EBF2: variants seen among roughly 807,000 people sequenced by gnomAD.
The protein encoded by EBF2 is EBF transcription factor 2.
A neutral mutation model predicts 72.8 loss-of-function variants in EBF2; 21 were observed. The ratio of observed to expected loss-of-function variants is 0.29; its 90% CI spans 0.20 to 0.42. The LOEUF (loss-of-function observed/expected upper bound fraction) is 0.42, where lower values mean the gene tolerates loss of function less well. Ranked by LOEUF, EBF2 falls within the 10% of genes least tolerant of loss-of-function variation. The probability of loss-of-function intolerance (pLI) is 1.00; values close to 1 mark genes in which losing one functional copy is unlikely to be tolerated. For missense variants in EBF2, 637 were observed against 731.2 expected (o/e 0.87, Z 1.49); for synonymous variants, 299 against 274.2 (o/e 1.09, Z -0.89).
intron 10 of EBF2, among the ~76,000 whole-genome samples, chr8:25,863,632 T>TC (rs1802250288): frequency 6.6e-6 from 1 of 152,194 alleles, no homozygotes; most frequent in Non-Finnish European, 1.5e-5. Flanking sequence ...AATGAAATAA[T>TC]CACCTGCACT....
In EBF2 at chr8:25,887,850, A is replaced by G. The variant is rs755063530; in HGVS notation, c.874T>C (p.Trp292Arg). The G allele has an allele frequency of 6.8e-6, 11 of 1,608,240 alleles. No homozygotes were observed. The highest frequency in any genetic ancestry group is 1.7e-4 in the Middle Eastern group (1 of 6,024). Reference protein sequence around the residue: ...LQVVFGTMLVWSELITPHAIR... With the variant: ...LQVVFGTMLVRSELITPHAIR... ...CTGTTGCCTCTGCTTACCTCGCTCC[A>G]TACAAGCATAGTCCCAAACACCACT... The change falls in exon 9 of 16, where the codon TGG (tryptophan) becomes CGG (arginine). Residue 292 changes from tryptophan to arginine, a missense_variant. Trp to Arg is a moderately radical substitution (Grantham distance 101). Around this residue, in one of 3 missense-constraint regions of EBF2, gnomAD observed 204 missense variants for 301.2 expected, o/e 0.68. Coordinates refer to ENST00000520164, the MANE Select transcript of EBF2 (RefSeq NM_022659.4).
chr8:25,902,022 G>C (rs561024611), intron 7 of EBF2, among the ~76,000 whole-genome samples: 1 of 152,230 alleles, frequency 6.6e-6, no homozygotes, highest in Admixed American at 6.5e-5. Context: ...ATATTGGCTG[G>C]GTGCATGAAT....
chr8:25,929,378 T>C (rs1161213891), intron 6 of EBF2, among the ~76,000 whole-genome samples: 1 of 152,200 alleles, frequency 6.6e-6, no homozygotes, highest in East Asian at 1.9e-4. Context: ...GCAAATTTTT[T>C]CCTTCTGAAA....
chr8:25,980,049 C>A (rs2117198100), intron 6 of EBF2, among the ~76,000 whole-genome samples: 1 of 152,260 alleles, frequency 6.6e-6, no homozygotes, highest in East Asian at 1.9e-4. Context: ...AAAAGCAGGA[C>A]TGTATTGCTT....
At chr8:25,865,999 T>G (rs1035626382) in intron 10 of EBF2, among the ~76,000 whole-genome samples, 3 of 151,224 alleles carry the variant, frequency 2.0e-5, no homozygotes, top group African/African-American at 7.3e-5. Context: ...CACCCCAGCC[T>G]GGGTGACAGA....
At chr8:25,916,478 T>TC (rs1563399529) in intron 6 of EBF2, among the ~76,000 whole-genome samples, 3 of 151,926 alleles carry the variant, frequency 2.0e-5, no homozygotes. Flanking sequence ...TGCCCCTTTC[T>TC]CCCCCACCAC....
intron 6 of EBF2, among the ~76,000 whole-genome samples, chr8:25,938,412 T>G (rs1209177935): frequency 6.6e-6 from 1 of 151,742 alleles, no homozygotes; most frequent in East Asian, 1.9e-4. Context: ...TGTCTTTCAG[T>G]TTTTTTCTTG....
chr8:25,880,979 C>A (rs1184689848), intron 10 of EBF2, among the ~76,000 whole-genome samples: 7 of 152,030 alleles, frequency 4.6e-5, no homozygotes, highest in African/African-American at 2.4e-5. Context: ...CCAACCTTCA[C>A]CCCATCCAAT....
At chr8:25,989,755 C>A (rs4276697) in intron 6 of EBF2, among the ~76,000 whole-genome samples, 4 of 151,978 alleles carry the variant, frequency 2.6e-5, no homozygotes, top group Non-Finnish European at 5.9e-5. Context: ...TCTCCCGTTC[C>A]GTAAGCTAAG....
At chr8:25,980,613 C>T (rs946043340) in intron 6 of EBF2, among the ~76,000 whole-genome samples, 2 of 151,830 alleles carry the variant, frequency 1.3e-5, no homozygotes, top group Admixed American at 6.6e-5. Flanking sequence ...CAATAAATAT[C>T]GAATTATACA....
chr8:25,943,273 C>G (rs2117159564), intron 6 of EBF2, among the ~76,000 whole-genome samples: 1 of 144,240 alleles, frequency 6.9e-6, no homozygotes, highest in East Asian at 2.0e-4. Context: ...TGGAGACCAG[C>G]CTGGGCAACA....
In EBF2 at chr8:26,040,060, G is replaced by C; in HGVS notation, c.450C>G (p.Cys150Trp). The change falls in exon 5 of 16, where the codon TGC (cysteine) becomes TGG (tryptophan). Residue 150 changes from cysteine to tryptophan, a missense_variant. Around this residue, in one of 3 missense-constraint regions of EBF2, gnomAD observed 204 missense variants for 301.2 expected, o/e 0.68. Coordinates refer to ENST00000520164, the MANE Select transcript of EBF2 (RefSeq NM_022659.4). ...YEGQNKNPEMCRVLLTHEVMC... is the reference protein window; with the variant it reads ...YEGQNKNPEMWRVLLTHEVMC... The stretch of plus-strand genomic sequence containing the variant: ...TCACTTCGTGCGTCAGGAGAACTCG[G>C]CACATTTCCGGATTCTTATTCTGTC... 6.2e-7 allele frequency: 1 copy of C among 1,614,064 alleles called. No individual in the cohort carries two copies.
chr8:25,988,968 C>A (rs1389540846), intron 6 of EBF2, among the ~76,000 whole-genome samples: 1 of 152,182 alleles, frequency 6.6e-6, no homozygotes, highest in African/African-American at 2.4e-5. Flanking sequence ...ATCATCCTAT[C>A]ATATTTAATT....
chr8:25,885,342 A>T (rs1802672139), intron 10 of EBF2, among the ~76,000 whole-genome samples: 1 of 152,086 alleles, frequency 6.6e-6, no homozygotes, highest in Non-Finnish European at 1.5e-5. Context: ...CACCATCCAT[A>T]TCCAGAACTC....
intron 6 of EBF2, among the ~76,000 whole-genome samples, chr8:25,987,937 C>T (rs1032926130): frequency 3.9e-5 from 6 of 152,096 alleles, no homozygotes; most frequent in African/African-American, 1.4e-4. Flanking sequence ...AGGAGATCTA[C>T]CAATTTGCTA....
chr8:25,847,716 G>A (rs1409975651), intron 15 of EBF2, among the ~76,000 whole-genome samples: 1 of 152,148 alleles, frequency 6.6e-6, no homozygotes, highest in Non-Finnish European at 1.5e-5. Context: ...CTAGAACTCA[G>A]CACAGGACTG....
intron 4 of EBF2, 44 bp from the exon 5 acceptor site, chr8:26,040,145 T>TG (rs779166537): frequency 4.4e-6 from 7 of 1,579,110 alleles, no homozygotes; most frequent in Middle Eastern, 1.7e-4. Flanking sequence ...TGGAGAGGGG[T>TG]GGGGGGCAAG....
Position 25,964,106 on chromosome 8 carries a change from G to A in EBF2, c.552-55551C>T, listed in dbSNP as rs141888234. ...CTTAAAACACACACAGGCATACCCC[G>A]CACCTAAAGGTTCTCTTGCACACCC... On this transcript the variant is annotated intron_variant, in intron 6 of 15. Transcript: ENST00000520164. Among the ~76,000 whole-genome samples, 495 of 152,204 alleles carry A rather than the reference G, an allele frequency of 3.3e-3. 1 individual carries two copies. The highest frequency in any genetic ancestry group is 4.6e-3 in the Non-Finnish European group (312 of 68,010).
At chr8:25,906,476 A>C (rs1803034032) in intron 7 of EBF2, among the ~76,000 whole-genome samples, 1 of 152,118 alleles carries the variant, frequency 6.6e-6, no homozygotes, top group African/African-American at 2.4e-5. Flanking sequence ...TCTTCATACA[A>C]GAAAGTAGGC....
Sources: allele counts gnomAD v4.1 joint callset (sites outside exome capture counted in the v4.1 genomes callset), GRCh38; gene constraint gnomAD v4.1.1; regional missense constraint gnomAD v4.1.1; transcripts MANE v1.5; gene names NCBI Gene and HGNC (gene_info 2026-07-23, HGNC 2026-07-21).